SLC9A3: variants seen among roughly 807,000 people sequenced by gnomAD.
SLC9A3 encodes the protein sodium/hydrogen exchanger 3.
A neutral mutation model predicts 86.8 loss-of-function variants in SLC9A3; 37 were observed. That is an observed-to-expected ratio of 0.43 (90% CI 0.33 to 0.56). The LOEUF (loss-of-function observed/expected upper bound fraction) is 0.56. Among genes scored for constraint, SLC9A3 ranks in the 20% least tolerant of loss-of-function variants. The probability of loss-of-function intolerance (pLI) is 0.06; values close to 1 mark genes in which losing one functional copy is unlikely to be tolerated. For missense variants in SLC9A3, 1,011 were observed against 1,171.9 expected (o/e 0.86, Z 2.00); for synonymous variants, 581 against 528.3 (o/e 1.10, Z -1.37).
intron 13 of SLC9A3, 22 bp from the exon 14 acceptor site, chr5:476,114 G>C: frequency 1.9e-6 from 3 of 1,612,592 alleles, no homozygotes; most frequent in Non-Finnish European, 2.5e-6. Context: ...ACGTGAAGCT[G>C]CTCACACCCC....
At chr5:486,917 ACCCACCACACT>A (rs1560957758) in intron 3 of SLC9A3, among the ~76,000 whole-genome samples, 98 of 111,518 alleles carry the variant, frequency 8.8e-4, no homozygotes, top group South Asian at 1.7e-3. Context: ...CCGCACTGAC[ACCCACCACACT>A]GACACCCACC....
Position 480,083 on chromosome 5 carries a change from G to A in SLC9A3, c.1518-118C>T, listed in dbSNP as rs78884036. On this transcript the variant is annotated intron_variant, in intron 9 of 16. Coordinates refer to ENST00000264938, the MANE Select transcript of SLC9A3 (RefSeq NM_004174.4). ...TTTGCTATAGTGACCCTGTAGGCGC[G>A]TTTAAAATGAGGGAAGCAGCCCCTG... 6.9e-3 allele frequency: 8,050 copies of A among 1,174,798 alleles called. 52 individuals carry two copies. The highest frequency in any genetic ancestry group is 0.022 in the African/African-American group (1,444 of 65,076). The allele number at this position is 1,174,798 out of a possible 1,614,324, so 72.8% of individuals were successfully genotyped here.
intron 11 of SLC9A3, 131 bp from the exon 12 acceptor site, chr5:476,803 A>ATCTGG: frequency 1.8e-6 from 2 of 1,114,866 alleles, no homozygotes; most frequent in Non-Finnish European, 2.6e-6. Context: ...CATGGTGGGC[A>ATCTGG]CCCGGCTGGG....
intron 2 of SLC9A3, among the ~76,000 whole-genome samples, chr5:489,758 C>T (rs750325641): frequency 1.1e-4 from 16 of 152,182 alleles, no homozygotes; most frequent in Non-Finnish European, 2.2e-4. Flanking sequence ...CACGGCCGCC[C>T]CCAGGGCAGT....
At position 524,200 on chromosome 5, in the gene SLC9A3, G is replaced by T; in HGVS notation, c.123C>A (p.Gly41=). ...EPGGAHGESG[G]FQVVTFEWAH... is the part of the protein sequence containing the mutation. Reference sequence around the variant, plus strand: ...CCCACTCGAAGGTGACCACCTGGAAGCCCCCGCTCTCGCCGTGCGCGCCGC... The same window carrying T: ...CCCACTCGAAGGTGACCACCTGGAATCCCCCGCTCTCGCCGTGCGCGCCGC... The change falls in exon 1 of 17, where the codon GGC becomes GGA. Residue 41 remains glycine (G), a synonymous_variant. Transcript: ENST00000264938. 1 of 1,536,548 alleles carries T rather than the reference G, an allele frequency of 6.5e-7. No individual in the cohort carries two copies. Among genetic ancestry groups the T allele is most frequent in the Non-Finnish European group, 8.7e-7 (1 of 1,144,602 alleles).
At chr5:509,555 C>T (rs1460857486) in intron 1 of SLC9A3, among the ~76,000 whole-genome samples, 1 of 151,888 alleles carries the variant, frequency 6.6e-6, no homozygotes. Context: ...GTAGGCTGGT[C>T]CCATGTGGGC....
intron 3 of SLC9A3, among the ~76,000 whole-genome samples, chr5:486,499 C>A (rs1433087884): frequency 2.0e-5 from 3 of 152,184 alleles, no homozygotes; most frequent in Non-Finnish European, 2.9e-5. Context: ...GGCCTTTGGG[C>A]CTCTGTGGAG....
intron 8 of SLC9A3, 22 bp downstream of exon 8, chr5:482,046 C>G (rs778940046): frequency 2.9e-6 from 2 of 701,678 alleles, no homozygotes; most frequent in East Asian, 3.1e-5. Flanking sequence ...GCCCCCCCCC[C>G]GCCCCCCAGC....
Position 497,411 on chromosome 5 carries a change from T to C in SLC9A3, c.212-5340A>G, listed in dbSNP as rs1740073398. Among the ~76,000 whole-genome samples the C allele has an allele frequency of 6.6e-6, 1 of 152,106 alleles. No individual in the cohort carries two copies. The highest frequency in any genetic ancestry group is 2.4e-5 in the African/African-American group (1 of 41,420). On this transcript the variant is annotated intron_variant, in intron 1 of 16. Coordinates refer to ENST00000264938, the MANE Select transcript of SLC9A3 (RefSeq NM_004174.4). The surrounding 1 kb of genome is among the most constrained non-coding windows in gnomAD (Gnocchi z 5.4). ...GACAGCTGGCGTCCACCCTCGAGCA[T>C]TTGCGAATGTCAGGCTGACACCTGT...
intron 9 of SLC9A3, 38 bp downstream of exon 9, chr5:481,527 G>A: frequency 6.5e-7 from 1 of 1,536,948 alleles, no homozygotes; most frequent in South Asian, 1.1e-5. Context: ...CCAGAAGCCG[G>A]GCTGTGCGAC....
At chr5:483,093 G>C (rs750529503) in intron 6 of SLC9A3, among the ~76,000 whole-genome samples, 169 bp downstream of exon 6, 5 of 152,034 alleles carry the variant, frequency 3.3e-5, no homozygotes, top group Admixed American at 3.3e-4. Context: ...TTCCCTTGGG[G>C]TTCCAGAGCC....
intron 1 of SLC9A3, among the ~76,000 whole-genome samples, chr5:521,564 ACATTTCTGTT>A (rs1344844839): frequency 1.3e-5 from 2 of 152,218 alleles, no homozygotes; most frequent in African/African-American, 4.8e-5. Context: ...GCTGGAAGAG[ACATTTCTGTT>A]CGTGTAACTT....
intron 7 of SLC9A3, 69 bp from the exon 8 acceptor site, chr5:482,226 A>G: frequency 2.4e-6 from 3 of 1,244,916 alleles, no homozygotes; most frequent in African/African-American, 1.5e-5. Context: ...GGCCAGGTGC[A>G]CCACACAGAG....
chr5:507,703 G>A (rs1740668451), intron 1 of SLC9A3, among the ~76,000 whole-genome samples: 1 of 97,398 alleles, frequency 1.0e-5, no homozygotes, highest in Admixed American at 1.1e-4. Context: ...GCAGACGCCC[G>A]AATCTCCACC....
intron 10 of SLC9A3, 34 bp downstream of exon 10, chr5:479,802 A>G (rs781356485): frequency 1.2e-5 from 19 of 1,609,796 alleles, no homozygotes; most frequent in Non-Finnish European, 1.6e-5. Context: ...AGCCTGCTGC[A>G]GCCCCGACCC....
At chr5:501,214 G>A (rs1440221871) in intron 1 of SLC9A3, among the ~76,000 whole-genome samples, 6 of 152,270 alleles carry the variant, frequency 3.9e-5, no homozygotes, top group Middle Eastern at 3.4e-3. Context: ...GCCCCGGGGG[G>A]CTCAGGAAGG....
chr5:507,163 C>CTGCTTTTTTTTTT (rs1553999262), intron 1 of SLC9A3, among the ~76,000 whole-genome samples: 2 of 34,738 alleles, frequency 5.8e-5, no homozygotes, highest in Non-Finnish European at 1.1e-4. Context: ...CCGGCTGCTG[C>CTGCTTTTTTTTTT]TTCTTTTTTT....
chr5:496,747 A>G lies in SLC9A3; in HGVS notation c.212-4676T>C, dbSNP rs974702992. ...TTAGCAGGAAAAATAAAGGCACTCA[A>G]TTAAATTTTCCTTGAAGGCTGGACT... On this transcript the variant is annotated intron_variant, in intron 1 of 16. Transcript: ENST00000264938. This position sits in a 1 kb window ranked among gnomAD's most constrained non-coding sequence, Gnocchi z 4.7. Among the ~76,000 whole-genome samples the G allele has an allele frequency of 5.3e-5, 8 of 152,264 alleles. No homozygotes were observed. In the South Asian group the frequency reaches 1.2e-3, roughly 24 times the overall value.
intron 1 of SLC9A3, among the ~76,000 whole-genome samples, chr5:508,213 G>T: frequency 6.7e-6 from 1 of 149,134 alleles, no homozygotes; most frequent in Non-Finnish European, 1.5e-5. Context: ...TGGAGTAGCC[G>T]CAGGCAGACG....
Sources: allele counts gnomAD v4.1 joint callset (sites outside exome capture counted in the v4.1 genomes callset), GRCh38; gene constraint gnomAD v4.1.1; non-coding constraint Gnocchi (gnomAD v3.1); transcripts MANE v1.5; gene names NCBI Gene and HGNC (gene_info 2026-07-23, HGNC 2026-07-21).